The following TRAF2 variants were observed in gnomAD, a reference collection of about 807,000 sequenced individuals.
TRAF2 encodes TNF receptor-associated factor 2.
In TRAF2, 6 loss-of-function variants were observed where a neutral mutation model predicts 55.6. The ratio of observed to expected loss-of-function variants is 0.11; its 90% CI spans 0.06 to 0.21. TRAF2 has a LOEUF of 0.21. Ranked by LOEUF, TRAF2 falls within the 10% of genes least tolerant of loss-of-function variation. TRAF2 has a pLI of 1.00. For synonymous variants in TRAF2, 329 were observed against 276.3 expected (o/e 1.19, Z -1.89); for missense variants, 561 against 684.5 (o/e 0.82, Z 2.01).
chr9:136,895,723 CCT>C (rs1849665661), intron 1 of TRAF2, among the ~76,000 whole-genome samples: 1 of 151,964 alleles, frequency 6.6e-6, no homozygotes, highest in Non-Finnish European at 1.5e-5. Context: ...GTGGCGGGTA[CCT>C]GTGGTCCCAG....
At chr9:136,902,458 C>T (rs1849843700) in intron 4 of TRAF2, 2 of 152,326 alleles carry the variant, frequency 1.3e-5, no homozygotes, top group Non-Finnish European at 2.9e-5. Context: ...CTGCCACCTC[C>T]AGGCTCATGG....
intron 6 of TRAF2, among the ~76,000 whole-genome samples, chr9:136,914,807 C>T (rs1380952381): frequency 6.6e-6 from 1 of 152,028 alleles, no homozygotes; most frequent in Non-Finnish European, 1.5e-5. Context: ...GAAGCAGCGT[C>T]TCTGGGCAGG....
intron 9 of TRAF2, among the ~76,000 whole-genome samples, chr9:136,922,903 G>A (rs1169467053): frequency 3.4e-5 from 5 of 146,352 alleles, no homozygotes; most frequent in African/African-American, 1.0e-4. Flanking sequence ...AGGACAGGGA[G>A]GATGGGCTTG....
chr9:136,897,163 C>T (rs1849698190), intron 1 of TRAF2, among the ~76,000 whole-genome samples: 3 of 69,758 alleles, frequency 4.3e-5, no homozygotes, highest in Admixed American at 2.2e-4. Context: ...GAGTCTCTGC[C>T]CGGGACGCTG....
intron 1 of TRAF2, among the ~76,000 whole-genome samples, chr9:136,888,712 C>T (rs1251526983): frequency 6.6e-6 from 1 of 152,190 alleles, no homozygotes; most frequent in Admixed American, 6.5e-5. Context: ...TTGAGAGTCA[C>T]CGATGCCACC....
rs114110208 is a variant in TRAF2 at position 136,921,744 on chromosome 9, G to A, written c.1138+529G>A. ...TATGGGGTCTCTTGAGAGGGTGCTC[G>A]TGGGGTCTCCCCTGGAGGGCACTGC... On this transcript the variant is annotated intron_variant, in intron 9 of 10. Coordinates refer to ENST00000247668, the MANE Select transcript of TRAF2 (RefSeq NM_021138.4). Among the ~76,000 whole-genome samples the A allele has an allele frequency of 8.0e-3, 1,217 of 151,400 alleles. 14 individuals are homozygous for A. The highest frequency in any genetic ancestry group is 0.027 in the African/African-American group (1,118 of 41,192).
At chr9:136,918,227 T>G (rs865797188) in intron 7 of TRAF2, among the ~76,000 whole-genome samples, 5 of 68,080 alleles carry the variant, frequency 7.3e-5, no homozygotes, top group East Asian at 4.9e-4. Context: ...AGTGTTTTGT[T>G]TATATATATA....
At chr9:136,921,508 A>G (rs7048209) in intron 9 of TRAF2, among the ~76,000 whole-genome samples, 134,993 of 151,904 alleles carry the variant, frequency 0.89, 60,117 homozygotes, top group African/African-American at 0.96. Context: ...TCTGGCACAC[A>G]GCCCTAAAGC....
chr9:136,923,871 C>T lies in TRAF2; in HGVS notation c.1158C>T (p.Tyr386=), dbSNP rs565923793. ...IFSPAFYTSR[Y]GYKMCLRIYL... ...CCCCAGCCTTCTACACCAGCAGGTA[C>T]GGCTACAAGATGTGTCTGCGTATCT... Residue 386 remains tyrosine (Y), a synonymous_variant, in exon 10 of 11, where the codon TAC becomes TAT. Transcript: ENST00000247668. 2.2e-5 allele frequency: 35 copies of T among 1,613,560 alleles called. No homozygotes were observed. Among genetic ancestry groups the T allele is most frequent in the Admixed American group, 6.7e-5 (4 of 59,986 alleles).
rs760893184 is a variant in TRAF2 at position 136,921,059 on chromosome 9, A to T, written c.982A>T (p.Ile328Phe). The T allele has an allele frequency of 6.2e-7, 1 of 1,613,956 alleles. No homozygotes were observed. The part of the protein sequence containing the change: ...SSKVQQLERS[I>F]GLKDLAMADL... ...GCAGGTGCAGCAGCTGGAGAGGAGC[A>T]TTGGCCTCAAGGACCTGGCGATGGC... The change falls in exon 9 of 11, where the codon ATT (isoleucine) becomes TTT (phenylalanine). Residue 328 changes from isoleucine to phenylalanine, a missense_variant. By Grantham distance (21) the Ile-to-Phe change is conservative (BLOSUM62 0). This residue lies in a region of TRAF2 where 426 missense variants were observed against 476.8 expected (regional missense o/e 0.89). Coordinates refer to ENST00000247668, the MANE Select transcript of TRAF2 (RefSeq NM_021138.4).
At chr9:136,895,850 GAAAAAAAAAA>G (rs56199191) in intron 1 of TRAF2, among the ~76,000 whole-genome samples, 2 of 132,930 alleles carry the variant, frequency 1.5e-5, no homozygotes, top group African/African-American at 5.7e-5. Flanking sequence ...TCTGTTTAAG[GAAAAAAAAAA>G]AAAAAAAAAA....
At chr9:136,901,539 AG>A (rs1849820297) in intron 4 of TRAF2, among the ~76,000 whole-genome samples, 4 of 152,194 alleles carry the variant, frequency 2.6e-5, no homozygotes, top group Admixed American at 2.6e-4. Context: ...GATTCCACTT[AG>A]GGGCCACCCT....
In TRAF2 at chr9:136,925,587, C is replaced by T. The variant is rs141645720; in HGVS notation, c.1288-96C>T. 7,301 of 1,281,940 alleles carry T rather than the reference C, an allele frequency of 5.7e-3. 41 individuals are homozygous for T. Among genetic ancestry groups the T allele is most frequent in the Non-Finnish European group, 7.4e-3 (6,721 of 913,878 alleles). 79.4% of individuals were successfully genotyped at this position (1,281,940 alleles called of 1,614,324 possible). ...GCCTCTGGCCTGGGTCCTGGGATGG[C>T]CTCCTGCTGGTGGCCCTGCCAGTGT... On this transcript the variant is annotated intron_variant, in intron 10 of 10. Coordinates refer to ENST00000247668, the MANE Select transcript of TRAF2 (RefSeq NM_021138.4).
chr9:136,882,566 T>A, upstream of TRAF2: 1 of 641,456 alleles, frequency 1.6e-6, no homozygotes, highest in African/African-American at 2.0e-5. Flanking sequence ...CCTCAGGCAG[T>A]GAGAGGGTGC....
intron 6 of TRAF2, among the ~76,000 whole-genome samples, chr9:136,911,419 C>T (rs1052040458): frequency 6.6e-5 from 10 of 152,000 alleles, no homozygotes; most frequent in African/African-American, 1.9e-4. Context: ...TATGCACCAC[C>T]ACACCCAGCT....
At chr9:136,913,923 C>T (rs931359522) in intron 6 of TRAF2, among the ~76,000 whole-genome samples, 2 of 152,114 alleles carry the variant, frequency 1.3e-5, no homozygotes, top group Admixed American at 6.5e-5. Flanking sequence ...GAGCATGGGG[C>T]GGCGTATGTT....
chr9:136,920,837 C>G (rs1047983781), intron 8 of TRAF2, among the ~76,000 whole-genome samples: 1 of 152,156 alleles, frequency 6.6e-6, no homozygotes, highest in Non-Finnish European at 1.5e-5. Context: ...CTTGCTGGCC[C>G]GGAGCTTCTG....
chr9:136,918,343 C>T (rs1037202319), intron 7 of TRAF2, among the ~76,000 whole-genome samples: 1 of 150,596 alleles, frequency 6.6e-6, no homozygotes, highest in Non-Finnish European at 1.5e-5. Flanking sequence ...GATCTCAGCT[C>T]ACTGCAACCT....
In TRAF2 at chr9:136,900,426, T is replaced by TC. The variant is rs1349460200; in HGVS notation, c.275dup (p.Asp93ArgfsTer2). ...GAGGGATATTCCTCTCCCCAGGCCT[T>TC]CCCAGATAATGCTGCCCGCAGGGAG... On this transcript the variant is annotated frameshift_variant, in exon 4 of 11. Coordinates refer to ENST00000247668, the MANE Select transcript of TRAF2 (RefSeq NM_021138.4). LOFTEE classifies it high-confidence loss of function. 1 of 1,597,412 alleles carries TC rather than the reference T, an allele frequency of 6.3e-7. No individual in the cohort carries two copies. The highest frequency in any genetic ancestry group is 1.3e-5 in the African/African-American group (1 of 74,644).
Sources: gnomAD v4.1 joint callset for allele counts (sites outside exome capture counted in the v4.1 genomes callset) on GRCh38, gnomAD v4.1.1 for gene constraint, gnomAD v4.1.1 regional missense constraint, MANE v1.5 for transcripts, NCBI Gene and HGNC (gene_info 2026-07-23, HGNC 2026-07-21) for gene names.